SORBS2: variants seen among roughly 807,000 people sequenced by gnomAD.
SORBS2 encodes sorbin and SH3 domain-containing protein 2.
A neutral mutation model predicts 97.7 loss-of-function variants in SORBS2; 46 were observed. The observed-to-expected ratio is 0.47, with a 90% CI of 0.37 to 0.60. SORBS2 has a LOEUF of 0.60. SORBS2 is among the 20% of genes least tolerant of loss of function. SORBS2 has a pLI of 0.00. For missense variants in SORBS2, 1,316 were observed against 1,282.3 expected, an observed-to-expected ratio of 1.03 and a Z score of -0.40; for synonymous variants, 476 against 473.4, an observed-to-expected ratio of 1.01 and a Z score of -0.07.
intron 1 of SORBS2, among the ~76,000 whole-genome samples, chr4:185,827,812 ATCATCACCG>A (rs2099202448): frequency 6.7e-6 from 1 of 149,910 alleles, no homozygotes. Context: ...CATCATCACC[ATCATCACCG>A]TCACCATCAT....
At position 185,829,092 on chromosome 4, in the gene SORBS2, C is replaced by T. The variant is rs74807429; in HGVS notation, c.-337-53726G>A. 7.5e-3 allele frequency among the ~76,000 whole-genome samples: 1,137 copies of T among 152,292 alleles called. 18 individuals carry two copies. Among genetic ancestry groups the T allele is most frequent in the Middle Eastern group, 0.017 (5 of 294 alleles). On this transcript the variant is annotated intron_variant, in intron 1 of 20. Transcript: ENST00000284776. ...GTTCCTTTTCAAAGCCAAAACCTGG[C>T]CTCAATCCTTGGAATATCTTCTTTT... is the stretch of plus-strand genomic sequence containing the variant.
chr4:185,619,864 C>T (rs891566085), intron 8 of SORBS2, among the ~76,000 whole-genome samples, 199 bp downstream of exon 20: 2 of 152,196 alleles, frequency 1.3e-5, no homozygotes, highest in Non-Finnish European at 2.9e-5. Flanking sequence ...CTAGGGAAGA[C>T]CCACAGCTAG....
intron 2 of SORBS2, among the ~76,000 whole-genome samples, chr4:185,762,916 T>G (rs143901591): frequency 1.3e-5 from 2 of 152,154 alleles, no homozygotes; most frequent in Non-Finnish European, 2.9e-5. Flanking sequence ...AGGTCGGGCG[T>G]GGTGGCTTAT....
In SORBS2 at chr4:185,917,479, C is replaced by T. The variant is rs778093438; in HGVS notation, c.-338+38717G>A. ...CTGTCCTCGAGGGATCCACCTGCCT[C>T]GGCCTCCCAACCTGCTGGGATTATA... On this transcript the variant is annotated intron_variant, in intron 1 of 20. Transcript: ENST00000284776. Among the ~76,000 whole-genome samples the T allele has an allele frequency of 1.6e-4, 24 of 152,190 alleles. 1 individual carries two copies. Among genetic ancestry groups the T allele is most frequent in the Admixed American group, 1.3e-3 (20 of 15,278 alleles).
upstream of SORBS2, chr4:185,657,641 G>A: frequency 1.3e-6 from 2 of 1,532,530 alleles, no homozygotes; most frequent in Non-Finnish European, 8.9e-7. Context: ...GTTGCACAGG[G>A]AATCATAAAT....
At position 185,624,268 on chromosome 4, in the gene SORBS2, G is replaced by A. The variant is rs752083508; in HGVS notation, c.861C>T (p.Ser287=). 7.4e-6 allele frequency: 12 copies of A among 1,614,198 alleles called. No homozygotes were observed. In the South Asian group the frequency reaches 1.3e-4, roughly 18 times the overall value. Residue 287 remains serine (S), a synonymous_variant, in exon 7 of 15, where the codon AGC becomes AGT. Transcript: ENST00000418609. ...AGTCGTCGTTTAGGAGATCGTCACAGCTCCGGGATTTGATTTTGGGAGAGA... is the reference window on the plus strand; with the variant it reads ...AGTCGTCGTTTAGGAGATCGTCACAACTCCGGGATTTGATTTTGGGAGAGA...
chr4:185,597,775 C>T (rs966614829), intron 12 of SORBS2, among the ~76,000 whole-genome samples: 15 of 152,166 alleles, frequency 9.9e-5, no homozygotes, highest in African/African-American at 3.1e-4. Context: ...TGCACTCTGT[C>T]GCCACCTAGT....
chr4:185,868,791 T>A (rs1296490233), intron 1 of SORBS2, among the ~76,000 whole-genome samples: 2 of 152,038 alleles, frequency 1.3e-5, no homozygotes, highest in African/African-American at 4.8e-5. Flanking sequence ...TACCAAAGAG[T>A]ATTATTTTTG....
chr4:185,868,436 A>C (rs770971325), intron 1 of SORBS2, among the ~76,000 whole-genome samples: 3 of 151,812 alleles, frequency 2.0e-5, no homozygotes, highest in African/African-American at 4.8e-5. Flanking sequence ...GATTACAGGC[A>C]TGAGCCACCG....
chr4:185,586,406 T>G (rs1043679538), exon 15 of SORBS2: 5 of 152,640 alleles, frequency 3.3e-5, no homozygotes, highest in African/African-American at 1.2e-4. Flanking sequence ...GGAAATATTT[T>G]ACACACACCA....
chr4:185,730,789 C>A (rs144623387), intron 2 of SORBS2, among the ~76,000 whole-genome samples: 8 of 152,302 alleles, frequency 5.3e-5, no homozygotes, highest in Admixed American at 2.0e-4. Context: ...TGCAGCTGTG[C>A]CTTTGGAGCT....
intron 1 of SORBS2, among the ~76,000 whole-genome samples, chr4:185,788,983 G>A (rs1451458628): frequency 2.0e-5 from 3 of 152,184 alleles, no homozygotes; most frequent in African/African-American, 4.8e-5. Context: ...GGAAATTCAA[G>A]TACTAACAAA....
At chr4:185,645,250 A>G (rs4541560) in intron 4 of SORBS2, among the ~76,000 whole-genome samples, 152,220 of 152,364 alleles carry the variant, frequency 1, 76,038 homozygotes, top group East Asian at 1. Flanking sequence ...AATCTGAGAT[A>G]TATTATTTCA....
At chr4:185,638,444 G>A (rs1395176052) in intron 4 of SORBS2, among the ~76,000 whole-genome samples, 1 of 152,154 alleles carries the variant, frequency 6.6e-6, no homozygotes, top group African/African-American at 2.4e-5. Context: ...ATCCACTTAC[G>A]CTTGAGGCAT....
At chr4:185,656,674 C>A in exon 1 of SORBS2, 1 of 1,550,702 alleles carries the variant, frequency 6.4e-7, no homozygotes, top group South Asian at 1.2e-5. Flanking sequence ...CTGGCACAAG[C>A]CTTCTCTTCC....
At chr4:185,811,859 CACAGG>C (rs1211919658) in intron 1 of SORBS2, 1 of 152,536 alleles carries the variant, frequency 6.6e-6, no homozygotes, top group Non-Finnish European at 1.5e-5. Context: ...CACAGCCACG[CACAGG>C]ACCAGCGTTA....
At chr4:185,676,513 A>G (rs560399109) in intron 4 of SORBS2, among the ~76,000 whole-genome samples, 105 of 152,370 alleles carry the variant, frequency 6.9e-4, no homozygotes, top group African/African-American at 2.5e-3. Context: ...ATGAATATTG[A>G]GTTGCAAAGA....
chr4:185,786,616 G>A (rs779290195), intron 1 of SORBS2, among the ~76,000 whole-genome samples: 67 of 152,200 alleles, frequency 4.4e-4, no homozygotes, highest in Non-Finnish European at 8.7e-4. Flanking sequence ...GGCAAGCCAT[G>A]TCACTTTAGG....
intron 5 of SORBS2, among the ~76,000 whole-genome samples, chr4:185,628,371 C>T (rs1390040454): frequency 6.6e-6 from 1 of 151,010 alleles, no homozygotes; most frequent in Non-Finnish European, 1.5e-5. Context: ...TCTCTCTCAC[C>T]TCAAGGGTTG....
Sources: allele counts gnomAD v4.1 joint callset (sites outside exome capture counted in the v4.1 genomes callset), GRCh38; gene constraint gnomAD v4.1.1; transcripts MANE v1.5; gene names NCBI Gene and HGNC (gene_info 2026-07-23, HGNC 2026-07-21).